The following ADRA1D variants were observed in gnomAD, a reference collection of about 807,000 sequenced individuals.
ADRA1D encodes the protein alpha-1D adrenergic receptor.
A neutral mutation model predicts 18.6 loss-of-function variants in ADRA1D; 22 were observed. The ratio of observed to expected loss-of-function variants is 1.19; its 90% CI spans 0.85 to 1.69. The LOEUF (loss-of-function observed/expected upper bound fraction) is 1.69. Ranked by LOEUF, ADRA1D falls within the 40% of genes most tolerant of loss-of-function variation. The pLI, the probability that ADRA1D is intolerant of heterozygous loss-of-function variation, is 0.00. For missense variants in ADRA1D, 840 were observed against 840.7 expected, an observed-to-expected ratio of 1.00 and a Z score of 0.01; for synonymous variants, 376 against 388.2, an observed-to-expected ratio of 0.97 and a Z score of 0.37.
chr20:4,221,441 G>A lies in ADRA1D; in HGVS notation c.*82C>T, dbSNP rs141024285. On this transcript the variant is annotated 3_prime_UTR_variant, in exon 2 of 2. Coordinates refer to ENST00000379453, the MANE Select transcript of ADRA1D (RefSeq NM_000678.4). ...AGTTTCCGGGTCTCCGATTTGCACG[G>A]GGGCTCTTAGAACACCAGCCCGCCT... 47 of 1,443,428 alleles carry A rather than the reference G, an allele frequency of 3.3e-5. No homozygotes were observed. Among genetic ancestry groups the A allele is most frequent in the Admixed American group, 1.1e-4 (5 of 46,908 alleles). 89.4% of individuals were successfully genotyped at this position (1,443,428 alleles called of 1,614,324 possible).
chr20:4,246,288 C>T (rs941356518), intron 1 of ADRA1D, among the ~76,000 whole-genome samples: 4 of 152,132 alleles, frequency 2.6e-5, no homozygotes, highest in African/African-American at 9.7e-5. Flanking sequence ...TAATTACAAC[C>T]AATGATCTAG....
chr20:4,222,796 C>G lies in ADRA1D; in HGVS notation c.1112-666G>C, dbSNP rs1980704141. On this transcript the variant is annotated intron_variant, in intron 1 of 1. Coordinates refer to ENST00000379453, the MANE Select transcript of ADRA1D (RefSeq NM_000678.4). This position sits in a 1 kb window ranked among gnomAD's most constrained non-coding sequence, Gnocchi z 4.3. Reference sequence around the variant, plus strand: ...CAATAAAATTTTGTACATATGGAACCCGCGCTACCTATATATAAACAGTAG... The same window carrying G: ...CAATAAAATTTTGTACATATGGAACGCGCGCTACCTATATATAAACAGTAG... 6.6e-6 allele frequency among the ~76,000 whole-genome samples: 1 copy of G among 152,094 alleles called. No individual in the cohort carries two copies. Among genetic ancestry groups the G allele is most frequent in the African/African-American group, 2.4e-5 (1 of 41,392 alleles).
chr20:4,238,073 C>T (rs1054539016), intron 1 of ADRA1D, among the ~76,000 whole-genome samples: 70 of 146,756 alleles, frequency 4.8e-4, no homozygotes, highest in African/African-American at 1.8e-3. Context: ...CATGGTGAAA[C>T]CCCCCCCGTC....
chr20:4,227,763 CTT>C (rs1980854628), intron 1 of ADRA1D, among the ~76,000 whole-genome samples: 1 of 134,798 alleles, frequency 7.4e-6, no homozygotes, highest in African/African-American at 2.9e-5. Flanking sequence ...CTCTCTCTCT[CTT>C]TCTTCTCTTT....
chr20:4,249,004 G>T lies in ADRA1D; in HGVS notation c.-47C>A. ...GCCGGGCCGGGGCACAGAACGAGCG[G>T]CCGGCAGGGAGGGGAGCACAGGGCA... On this transcript the variant is annotated 5_prime_UTR_variant, in exon 1 of 2. Coordinates refer to ENST00000379453, the MANE Select transcript of ADRA1D (RefSeq NM_000678.4). The T allele has an allele frequency of 8.0e-7, 1 of 1,245,966 alleles. No individual in the cohort carries two copies. Among genetic ancestry groups the T allele is most frequent in the Non-Finnish European group, 1.0e-6 (1 of 980,104 alleles). The allele number at this position is 1,245,966 out of a possible 1,614,324, so 77.2% of individuals were successfully genotyped here. A position where few individuals can be genotyped will look rare whatever the true frequency, so the allele number is the denominator to read the frequency against.
intron 1 of ADRA1D, among the ~76,000 whole-genome samples, chr20:4,225,483 A>T (rs1430394565): frequency 7.9e-6 from 1 of 127,108 alleles, no homozygotes; most frequent in African/African-American, 3.1e-5. Context: ...GCTGGACTTC[A>T]GTGGCACGCT....
intron 1 of ADRA1D, among the ~76,000 whole-genome samples, chr20:4,243,232 C>T (rs959907757): frequency 1.2e-4 from 18 of 152,166 alleles, no homozygotes; most frequent in African/African-American, 3.4e-4. Context: ...ACTGTCCCAA[C>T]GACGCAGCCC....
chr20:4,227,683 CCTCT>C (rs1169875390), intron 1 of ADRA1D, among the ~76,000 whole-genome samples: 1 of 80,176 alleles, frequency 1.2e-5, no homozygotes, highest in Non-Finnish European at 2.6e-5. Context: ...TCCTTCCTTC[CCTCT>C]CTCCCTCCCT....
In ADRA1D at chr20:4,248,628, G is replaced by A. The variant is rs773109277; in HGVS notation, c.330C>T (p.Ala110=). The A allele has an allele frequency of 2.5e-6, 4 of 1,612,900 alleles. No homozygotes were observed. The highest frequency in any genetic ancestry group is 3.4e-6 in the Non-Finnish European group (4 of 1,179,794). Residue 110 remains alanine (A), a synonymous_variant, in exon 1 of 2, where the codon GCC becomes GCT. Transcript: ENST00000379453. ...GGATGACAAGCAGGTTACCTGCCAC[G>A]GCCATAAGGATGAAGGCTGCCAGGA... is the stretch of plus-strand genomic sequence containing the variant. ...GVFLAAFILM[A]VAGNLLVILS...
intron 1 of ADRA1D, among the ~76,000 whole-genome samples, chr20:4,227,685 T>C: frequency 1.6e-5 from 1 of 62,232 alleles, no homozygotes; most frequent in African/African-American, 7.9e-5. Context: ...CTTCCTTCCC[T>C]CTCTCCCTCC....
In ADRA1D at chr20:4,248,536, G is replaced by A; in HGVS notation, c.422C>T (p.Ala141Val). 6.2e-7 allele frequency: 1 copy of A among 1,613,818 alleles called. No individual in the cohort carries two copies. The highest frequency in any genetic ancestry group is 8.5e-7 in the Non-Finnish European group (1 of 1,179,942). ...TNYFIVNLAV[A>V]DLLLSATVLP... is the part of the protein sequence containing the mutation. The stretch of plus-strand genomic sequence containing the variant: ...TACGGTGGCGCTCAGCAGCAGGTCG[G>A]CCACGGCCAGGTTCACGATGAAATA... The change falls in exon 1 of 2, where the codon GCC (alanine) becomes GTC (valine). Residue 141 changes from alanine to valine, a missense_variant. Coordinates refer to ENST00000379453, the MANE Select transcript of ADRA1D (RefSeq NM_000678.4).
In ADRA1D at chr20:4,222,799, C is replaced by T. The variant is rs1288165046; in HGVS notation, c.1112-669G>A. ...TAAAATTTTGTACATATGGAACCCGCGCTACCTATATATAAACAGTAGATT... is the reference window on the plus strand; with the variant it reads ...TAAAATTTTGTACATATGGAACCCGTGCTACCTATATATAAACAGTAGATT... On this transcript the variant is annotated intron_variant, in intron 1 of 1. Coordinates refer to ENST00000379453, the MANE Select transcript of ADRA1D (RefSeq NM_000678.4). This position sits in a 1 kb window ranked among gnomAD's most constrained non-coding sequence, Gnocchi z 4.3. Among the ~76,000 whole-genome samples, 2 of 152,160 alleles carry T rather than the reference C, an allele frequency of 1.3e-5. No individual in the cohort carries two copies. Among genetic ancestry groups the T allele is most frequent in the Non-Finnish European group, 2.9e-5 (2 of 68,034 alleles).
rs780260824 is a variant in ADRA1D, at chr20:4,248,244, G to A, written c.714C>T (p.Pro238=). The change falls in exon 1 of 2, where the codon CCC becomes CCT. Residue 238 remains proline (P), a synonymous_variant. Transcript: ENST00000379453. The part of the protein sequence containing the change: ...SVGPLLGWKE[P]VPPDERFCGI... ...CGCAGAAGCGCTCGTCAGGGGGCAC[G>A]GGCTCCTTCCAGCCCAGCAGGGGCC... 2.5e-6 allele frequency: 4 copies of A among 1,605,954 alleles called. No individual in the cohort carries two copies. Among genetic ancestry groups the A allele is most frequent in the East Asian group, 4.5e-5 (2 of 44,560 alleles).
At chr20:4,231,038 T>TTCTCTTTCTTTCTTTC (rs71332805) in intron 1 of ADRA1D, among the ~76,000 whole-genome samples, 9 of 108,616 alleles carry the variant, frequency 8.3e-5, no homozygotes, top group East Asian at 3.9e-4. Flanking sequence ...CTTTCTTTCT[T>TTCTCTTTCTTTCTTTC]TTTCTTTCTT....
At chr20:4,233,456 T>C (rs1046331266) in intron 1 of ADRA1D, among the ~76,000 whole-genome samples, 10 of 152,002 alleles carry the variant, frequency 6.6e-5, no homozygotes, top group African/African-American at 1.2e-4. Flanking sequence ...GGTGGGTACA[T>C]GCAGCCACTT....
rs888161510 is a variant in ADRA1D at position 4,248,791 on chromosome 20, ACGCCGC to A, written c.161_166del (p.Gly54_Gly55del). The A allele has an allele frequency of 4.5e-4, 540 of 1,188,164 alleles. No homozygotes were observed. Among genetic ancestry groups the A allele is most frequent in the Non-Finnish European group, 4.2e-4 (401 of 961,792 alleles). The allele number at this position is 1,188,164 out of a possible 1,614,324, so 73.6% of individuals were successfully genotyped here. On this transcript the variant is annotated inframe_deletion, in exon 1 of 2. Transcript: ENST00000379453. Reference sequence around the variant, plus strand: ...GTCCTCGCCGCTGCCTGCGCCCACCACGCCGCCGCCGCCGCCCGCGCCCCCCGGCAC... The same window carrying A: ...GTCCTCGCCGCTGCCTGCGCCCACCACGCCGCCGCCCGCGCCCCCCGGCAC...
In ADRA1D at chr20:4,221,273, G is replaced by A. The variant is rs887394581; in HGVS notation, c.*250C>T. The stretch of plus-strand genomic sequence containing the variant: ...GGGATTGGGAGCAAAAGGCCCCACG[G>A]AGCCCGCAGCCTCTCCCTTCTAAGA... On this transcript the variant is annotated 3_prime_UTR_variant, in exon 2 of 2. Transcript: ENST00000379453. 3 of 428,866 alleles carry A rather than the reference G, an allele frequency of 7.0e-6. No homozygotes were observed. The highest frequency in any genetic ancestry group is 1.2e-5 in the Non-Finnish European group (3 of 244,556). The allele number at this position is 428,866 out of a possible 1,614,324, so 26.6% of individuals were successfully genotyped here. A position where few individuals can be genotyped will look rare whatever the true frequency, so the allele number is the denominator to read the frequency against.
chr20:4,233,377 C>T (rs1329063369), intron 1 of ADRA1D, among the ~76,000 whole-genome samples: 1 of 151,988 alleles, frequency 6.6e-6, no homozygotes, highest in East Asian at 1.9e-4. Context: ...GGGAGGATCA[C>T]TTGAACGTGG....
At chr20:4,232,810 G>A (rs1349372733) in intron 1 of ADRA1D, among the ~76,000 whole-genome samples, 1 of 152,210 alleles carries the variant, frequency 6.6e-6, no homozygotes, top group Non-Finnish European at 1.5e-5. Flanking sequence ...GGGACAGCCT[G>A]CAGCCAATGA....
Sources: allele counts gnomAD v4.1 joint callset (sites outside exome capture counted in the v4.1 genomes callset), GRCh38; gene constraint gnomAD v4.1.1; non-coding constraint Gnocchi (gnomAD v3.1); transcripts MANE v1.5; gene names NCBI Gene and HGNC (gene_info 2026-07-23, HGNC 2026-07-21).